Variants in RGS7 observed in about 807,000 individuals in gnomAD.
The protein encoded by RGS7 is regulator of G protein signaling 7, also known as regulator of G-protein signaling 7.
In RGS7, 27 loss-of-function variants were observed where a neutral mutation model predicts 81.1. The ratio of observed to expected loss-of-function variants is 0.33; its 90% CI spans 0.25 to 0.46. RGS7 has a LOEUF of 0.46. RGS7 is among the 20% of genes least tolerant of loss of function. The pLI is 1.00. For missense variants in RGS7, 396 were observed against 607.4 expected, an observed-to-expected ratio of 0.65 and a Z score of 3.66; for synonymous variants, 208 against 207.7, an observed-to-expected ratio of 1.00 and a Z score of -0.01.
chr1:240,998,885 T>TCCCCTTATCTTTTTC, intron 3 of RGS7: 1 of 421,516 alleles, frequency 2.4e-6, no homozygotes, highest in African/African-American at 2.0e-5. Context: ...AGCACTTTTT[T>TCCCCTTATCTTTTTC]AGTCCCCTTA....
intron 3 of RGS7, among the ~76,000 whole-genome samples, chr1:241,047,733 C>CTTTTTTTTTTTTTTTTTTT (rs34738551): frequency 2.2e-5 from 2 of 89,512 alleles, no homozygotes; most frequent in African/African-American, 4.6e-5. Flanking sequence ...GTTTACAATC[C>CTTTTTTTTTTTTTTTTTTT]TTTTTTTTTT....
At chr1:241,234,562 G>A (rs1181633721) in intron 2 of RGS7, among the ~76,000 whole-genome samples, 1 of 151,662 alleles carries the variant, frequency 6.6e-6, no homozygotes, top group African/African-American at 2.4e-5. Flanking sequence ...AGTGGATGAA[G>A]TGAAGTGACT....
At chr1:241,325,705 T>C (rs2081451382) in intron 2 of RGS7, among the ~76,000 whole-genome samples, 1 of 152,210 alleles carries the variant, frequency 6.6e-6, no homozygotes, top group Admixed American at 6.5e-5. Flanking sequence ...CTGATACTTG[T>C]TGTGCATGCA....
Position 241,018,895 on chromosome 1 carries a change from C to T in RGS7, c.176-35766G>A, listed in dbSNP as rs190911693. Among the ~76,000 whole-genome samples, 396 of 151,778 alleles carry T rather than the reference C, an allele frequency of 2.6e-3. 2 individuals carry two copies. The highest frequency in any genetic ancestry group is 9.3e-3 in the African/African-American group (383 of 41,100). The stretch of plus-strand genomic sequence containing the variant: ...GATATGCTCAAGTGGGGCAGAATTC[C>T]ACTTCACAAGCTGGGATAAGGTTTC... On this transcript the variant is annotated intron_variant, in intron 3 of 18. Transcript: ENST00000440928.
chr1:240,910,659 G>A (rs753242087), intron 6 of RGS7, among the ~76,000 whole-genome samples: 4 of 152,104 alleles, frequency 2.6e-5, no homozygotes, highest in African/African-American at 4.8e-5. Context: ...TCTAATCACC[G>A]TATATTATAT....
chr1:241,253,268 G>C (rs1203509345), intron 2 of RGS7, among the ~76,000 whole-genome samples: 1 of 152,162 alleles, frequency 6.6e-6, no homozygotes, highest in East Asian at 1.9e-4. Context: ...GTCTGTTTAT[G>C]TGTCTTCTCA....
chr1:240,936,813 C>A, intron 4 of RGS7, 107 bp from the exon 5 acceptor site: 1 of 820,650 alleles, frequency 1.2e-6, no homozygotes, highest in Non-Finnish European at 2.0e-6. Context: ...CAGTAAGTTC[C>A]TCTTGAAAGA....
At chr1:241,056,737 G>A (rs1356456553) in intron 3 of RGS7, among the ~76,000 whole-genome samples, 3 of 152,178 alleles carry the variant, frequency 2.0e-5, no homozygotes, top group African/African-American at 7.2e-5. Flanking sequence ...ACATTAAACT[G>A]TTAATTATGG....
chr1:241,295,176 C>T (rs11576577), intron 2 of RGS7, among the ~76,000 whole-genome samples: 5,121 of 152,062 alleles, frequency 0.034, 127 homozygotes, highest in Non-Finnish European at 0.045. Context: ...CGGCCGGGTG[C>T]GGTGGCTCAC....
In RGS7 at chr1:240,918,237, A is replaced by C. The variant is rs142367543; in HGVS notation, c.385+12480T>G. ...GAAGGACAGAATCAAACTAAGCAGCACCATCAATCAGCTGAATTTAATGGC... is the reference window on the plus strand; with the variant it reads ...GAAGGACAGAATCAAACTAAGCAGCCCCATCAATCAGCTGAATTTAATGGC... On this transcript the variant is annotated intron_variant, in intron 6 of 18. Transcript: ENST00000440928. Among the ~76,000 whole-genome samples the C allele has an allele frequency of 8.5e-3, 1,296 of 152,114 alleles. 9 individuals carry two copies. Among genetic ancestry groups the C allele is most frequent in the Non-Finnish European group, 0.013 (905 of 67,996 alleles).
At chr1:240,832,368 G>A (rs1472940165) in intron 9 of RGS7, among the ~76,000 whole-genome samples, 1 of 152,096 alleles carries the variant, frequency 6.6e-6, no homozygotes, top group Admixed American at 6.6e-5. Context: ...CTTTTCAACC[G>A]AACTAAGCTG....
intron 3 of RGS7, among the ~76,000 whole-genome samples, 154 bp downstream of exon 3, chr1:241,098,512 T>C (rs1040880736): frequency 6.6e-6 from 1 of 152,234 alleles, no homozygotes; most frequent in East Asian, 1.9e-4. Flanking sequence ...TCATTTCAAG[T>C]GTTTCACATG....
In RGS7 at chr1:241,064,795, A is replaced by T. The variant is rs144254938; in HGVS notation, c.175+33871T>A. ...ATCTGGATTTTTAGCAGTACTCTGGATGTTCTTTGTGCATCCGTAGTGCCA... is the reference window on the plus strand; with the variant it reads ...ATCTGGATTTTTAGCAGTACTCTGGTTGTTCTTTGTGCATCCGTAGTGCCA... On this transcript the variant is annotated intron_variant, in intron 3 of 18. Coordinates refer to ENST00000440928, the MANE Select transcript of RGS7 (RefSeq NM_001364886.1). 8.3e-3 allele frequency among the ~76,000 whole-genome samples: 1,264 copies of T among 152,256 alleles called. 24 individuals are homozygous for T. The highest frequency in any genetic ancestry group is 0.03 in the African/African-American group (1,229 of 41,548).
chr1:240,913,777 T>C (rs542940402), intron 6 of RGS7, among the ~76,000 whole-genome samples: 1 of 151,958 alleles, frequency 6.6e-6, no homozygotes, highest in Non-Finnish European at 1.5e-5. Flanking sequence ...TCCCAGAGCA[T>C]CTGTAATTTT....
At chr1:240,951,592 A>T (rs1679568941) in intron 4 of RGS7, among the ~76,000 whole-genome samples, 1 of 152,172 alleles carries the variant, frequency 6.6e-6, no homozygotes, top group African/African-American at 2.4e-5. Context: ...CAAAAACTGA[A>T]ATTCGAAGAA....
Position 241,291,283 on chromosome 1 carries a change from A to G in RGS7, c.78+64416T>C, listed in dbSNP as rs1443599974. Among the ~76,000 whole-genome samples the G allele has an allele frequency of 3.9e-5, 6 of 152,198 alleles. No individual in the cohort carries two copies. The East Asian group carries it at 5.8e-4, about 15-fold the overall frequency. On this transcript the variant is annotated intron_variant, in intron 2 of 18. Transcript: ENST00000440928. ...AATGGGTCTCAGAGAATTGGTAGGG[A>G]CCTTGTCAATGTGTGGTTTTTATTT... is the stretch of plus-strand genomic sequence containing the variant.
intron 2 of RGS7, among the ~76,000 whole-genome samples, chr1:241,322,046 A>C (rs2148610825): frequency 6.6e-6 from 1 of 152,118 alleles, no homozygotes; most frequent in South Asian, 2.1e-4. Flanking sequence ...CACTTGACTA[A>C]CCTTCCTCCC....
In RGS7 at chr1:241,252,608, G is replaced by A. The variant is rs191148923; in HGVS notation, c.78+103091C>T. On this transcript the variant is annotated intron_variant, in intron 2 of 18. Transcript: ENST00000440928. ...TCTATGATGTGATGCCCTTTTTCCT[G>A]GAGGACCATAGAATTCAGAGGGAGA... Among the ~76,000 whole-genome samples, 496 of 152,206 alleles carry A rather than the reference G, an allele frequency of 3.3e-3. 3 individuals are homozygous for A. The highest frequency in any genetic ancestry group is 5.7e-3 in the Non-Finnish European group (390 of 68,004).
chr1:241,335,804 C>T (rs79033382), intron 2 of RGS7, among the ~76,000 whole-genome samples: 9,110 of 152,178 alleles, frequency 0.06, 756 homozygotes, highest in African/African-American at 0.19. Flanking sequence ...TCCCATGATA[C>T]AAATACTCCA....
Sources: allele counts gnomAD v4.1 joint callset (sites outside exome capture counted in the v4.1 genomes callset), GRCh38; gene constraint gnomAD v4.1.1; transcripts MANE v1.5; gene names NCBI Gene and HGNC (gene_info 2026-07-23, HGNC 2026-07-21).